Variants in PAX9 observed in about 807,000 individuals in gnomAD.
PAX9 encodes paired box 9.
A neutral mutation model predicts 29.1 loss-of-function variants in PAX9; 6 were observed. The observed-to-expected ratio is 0.21, with a 90% CI of 0.11 to 0.41. PAX9 has a LOEUF of 0.41. PAX9 is among the 10% of genes least tolerant of loss of function. PAX9 has a pLI of 1.00. For synonymous variants in PAX9, 217 were observed against 211.7 expected, an observed-to-expected ratio of 1.03 and a Z score of -0.22; for missense variants, 443 against 479.1, an observed-to-expected ratio of 0.92 and a Z score of 0.70.
intron 3 of PAX9, chr14:36,671,846 A>G (rs777442195): frequency 3.3e-5 from 5 of 152,158 alleles, no homozygotes; most frequent in Non-Finnish European, 4.4e-5. Flanking sequence ...TTTCTAGACT[A>G]TTTCCGTTAA....
At position 36,676,544 on chromosome 14, in the gene PAX9, C is replaced by T; in HGVS notation, c.*92C>T. On this transcript the variant is annotated 3_prime_UTR_variant, in exon 4 of 4. Transcript: ENST00000361487. ...CAGGTCTCACATCCCACCCCTCCTG[C>T]CCTCCAACCCTTCTGCCTTGAAAGC... The T allele has an allele frequency of 7.0e-7, 1 of 1,423,004 alleles. No homozygotes were observed. The highest frequency in any genetic ancestry group is 9.7e-7 in the Non-Finnish European group (1 of 1,033,124). 88.1% of individuals were successfully genotyped at this position (1,423,004 alleles called of 1,614,324 possible).
At chr14:36,666,142 G>A in intron 2 of PAX9, 1 of 338,690 alleles carries the variant, frequency 3.0e-6, no homozygotes, top group Non-Finnish European at 5.5e-6. Flanking sequence ...TCCGATTTAG[G>A]TTTCTTCCAC....
chr14:36,671,709 A>C (rs1400891132), intron 3 of PAX9, among the ~76,000 whole-genome samples: 9 of 152,298 alleles, frequency 5.9e-5, no homozygotes, highest in Non-Finnish European at 1.5e-5. Flanking sequence ...ATATTCACCA[A>C]AGTTACTTTT....
At position 36,676,446 on chromosome 14, in the gene PAX9, G is replaced by A. The variant is rs532670214; in HGVS notation, c.1020G>A (p.Ala340=). The A allele has an allele frequency of 1.7e-5, 28 of 1,612,570 alleles. No homozygotes were observed. The highest frequency in any genetic ancestry group is 2.3e-5 in the Non-Finnish European group (27 of 1,180,020). Residue 340 remains alanine, a synonymous_variant, in exon 4 of 4, where the codon GCG becomes GCA. Transcript: ENST00000361487. ...GTAGTCATTCTGTCACGGCTTCCGC[G>A]CTCTGATGGGAAATTCCGTCTCCAG... ...REGSHSVTAS[A]L
intron 3 of PAX9, among the ~76,000 whole-genome samples, chr14:36,674,946 G>A (rs140799474): frequency 2.6e-5 from 4 of 152,086 alleles, no homozygotes; most frequent in East Asian, 1.9e-4. Context: ...TTTTGAGACC[G>A]CACCACTGCA....
At position 36,679,051 on chromosome 14, in the gene PAX9, A is replaced by G; in HGVS notation, c.*2599A>G. ...ATGCACTCTTCAGAAATCCTTTTCTATCTGATCCACATGGAGAGGTTAAAG... is the reference window on the plus strand; with the variant it reads ...ATGCACTCTTCAGAAATCCTTTTCTGTCTGATCCACATGGAGAGGTTAAAG... On this transcript the variant is annotated 3_prime_UTR_variant, in exon 4 of 4. Transcript: ENST00000361487. 1 of 985,476 alleles carries G rather than the reference A, an allele frequency of 1.0e-6. No individual in the cohort carries two copies. Among genetic ancestry groups the G allele is most frequent in the Non-Finnish European group, 1.2e-6 (1 of 829,962 alleles). 61.0% of individuals were successfully genotyped at this position (985,476 alleles called of 1,614,324 possible). A position where few individuals can be genotyped will look rare whatever the true frequency, so the allele number is the denominator to read the frequency against.
rs1406324571 is a variant in PAX9 at position 36,663,121 on chromosome 14, C to T, written c.229C>T (p.Arg77Trp). Reference sequence around the variant, plus strand: ...AGGAGCCATCGGGGGCAGCAAGCCCCGGGTCACTACCCCCACCGTGGTGAA... The same window carrying T: ...AGGAGCCATCGGGGGCAGCAAGCCCTGGGTCACTACCCCCACCGTGGTGAA... ...LPGAIGGSKP[R>W]VTTPTVVKHI... The change falls in exon 2 of 4, where the codon CGG (arginine) becomes TGG (tryptophan). Residue 77 changes from arginine to tryptophan, a missense_variant. By Grantham distance (101) the Arg-to-Trp change is moderately radical. Transcript: ENST00000361487. 4 of 1,613,990 alleles carry T rather than the reference C, an allele frequency of 2.5e-6. No homozygotes were observed. Among genetic ancestry groups the T allele is most frequent in the Non-Finnish European group, 3.4e-6 (4 of 1,180,032 alleles).
chr14:36,676,082 G>C, intron 3 of PAX9, 116 bp from the exon 4 acceptor site: 1 of 1,034,268 alleles, frequency 9.7e-7, no homozygotes, highest in Non-Finnish European at 1.4e-6. Context: ...AAGTTGGAGA[G>C]TAGAGTCAGA....
chr14:36,663,351 G>T lies in PAX9; in HGVS notation c.459G>T (p.Ala153=). The change falls in exon 2 of 4, where the codon GCG becomes GCT. Residue 153 remains alanine, a synonymous_variant. Coordinates refer to ENST00000361487, the MANE Select transcript of PAX9 (RefSeq NM_001372076.1). Reference sequence around the variant, plus strand: ...AGCACCAGCCGACGCCGCAGCCAGCGCTGCCCTACAACCACATCTACTCGT... The same window carrying T: ...AGCACCAGCCGACGCCGCAGCCAGCTCTGCCCTACAACCACATCTACTCGT... ...YKQHQPTPQP[A]LPYNHIYSYP... 6.2e-7 allele frequency: 1 copy of T among 1,614,088 alleles called. No homozygotes were observed.
chr14:36,673,923 G>A (rs900152886), intron 3 of PAX9, among the ~76,000 whole-genome samples: 13 of 152,154 alleles, frequency 8.5e-5, no homozygotes, highest in Non-Finnish European at 1.6e-4. Flanking sequence ...GGCATCAGTA[G>A]TATAAAACAT....
intron 3 of PAX9, chr14:36,671,027 A>G: frequency 2.3e-6 from 1 of 431,286 alleles, no homozygotes. Context: ...ACCAAAAAAG[A>G]GAAAATCTTG....
chr14:36,661,627 C>G (rs972245435), upstream of PAX9: 2 of 215,212 alleles, frequency 9.3e-6, no homozygotes, highest in African/African-American at 4.6e-5. Flanking sequence ...AGCATTTTAC[C>G]AGCCTGATTT....
At chr14:36,670,905 T>C (rs528722397) in intron 3 of PAX9, 2 of 209,836 alleles carry the variant, frequency 9.5e-6, no homozygotes, top group African/African-American at 4.7e-5. Flanking sequence ...TAAGATCTTG[T>C]TGGATGAATG....
At chr14:36,674,983 A>G (rs1361200244) in intron 3 of PAX9, among the ~76,000 whole-genome samples, 1 of 152,238 alleles carries the variant, frequency 6.6e-6, no homozygotes, top group Non-Finnish European at 1.5e-5. Context: ...AGTGAAAACA[A>G]TAGCCCAAAT....
Position 36,663,977 on chromosome 14 carries a change from C to G in PAX9, c.631+454C>G, listed in dbSNP as rs181988216. ...ATCACTACGGCCGGGAGAAGTCTGG[C>G]CGGGAGGAGTCCAGCACGCCTTGGA... On this transcript the variant is annotated intron_variant, in intron 2 of 3. Transcript: ENST00000361487. Among the ~76,000 whole-genome samples, 462 of 152,342 alleles carry G rather than the reference C, an allele frequency of 3.0e-3. 2 individuals are homozygous for G. The highest frequency in any genetic ancestry group is 5.5e-3 in the Non-Finnish European group (375 of 68,036).
chr14:36,671,401 A>G (rs1457247080), intron 3 of PAX9, among the ~76,000 whole-genome samples: 8 of 151,894 alleles, frequency 5.3e-5, no homozygotes, highest in Non-Finnish European at 4.4e-5. Flanking sequence ...AATAACCATA[A>G]ATCAAGTAAT....
upstream of PAX9, chr14:36,661,846 G>A: frequency 1.7e-6 from 1 of 597,018 alleles, no homozygotes. Context: ...AGACGGAGCC[G>A]CCCTGCCCTG....
intron 2 of PAX9, among the ~76,000 whole-genome samples, chr14:36,665,485 TA>T (rs1475666988): frequency 1.3e-5 from 2 of 152,152 alleles, no homozygotes; most frequent in East Asian, 3.9e-4. Context: ...AAGACAAACA[TA>T]CATTGTTTGT....
intron 1 of PAX9, chr14:36,662,472 C>T (rs1473380334): frequency 1.8e-5 from 7 of 395,748 alleles, no homozygotes; most frequent in Non-Finnish European, 2.7e-5. Context: ...TCTAGCTTCC[C>T]CTAGACTTTG....
Sources: allele counts gnomAD v4.1 joint callset (sites outside exome capture counted in the v4.1 genomes callset), GRCh38; gene constraint gnomAD v4.1.1; transcripts MANE v1.5; gene names NCBI Gene and HGNC (gene_info 2026-07-23, HGNC 2026-07-21).